Variants in SENP5 observed in about 807,000 individuals in gnomAD.
SENP5 encodes SUMO specific peptidase 5.
A neutral mutation model predicts 74.2 loss-of-function variants in SENP5; 21 were observed. That is an observed-to-expected ratio of 0.28 (90% CI 0.20 to 0.41). The LOEUF is 0.41. Among genes scored for constraint, SENP5 ranks in the 10% least tolerant of loss-of-function variants. The pLI is 1.00. For synonymous variants in SENP5, 311 were observed against 312.7 expected (o/e 0.99, Z 0.06); for missense variants, 717 against 889.1 (o/e 0.81, Z 2.46).
chr3:196,886,027 C>T lies in SENP5; in HGVS notation c.846C>T (p.Asn282=), dbSNP rs200137446. The T allele has an allele frequency of 3.0e-5, 49 of 1,614,132 alleles. No individual in the cohort carries two copies. Among genetic ancestry groups the T allele is most frequent in the Non-Finnish European group, 4.1e-5 (48 of 1,180,012 alleles). Residue 282 remains asparagine (N), a synonymous_variant, in exon 2 of 10, where the codon AAC becomes AAT. Transcript: ENST00000323460. ...TGDHQETRRE[N]GEGGSCSPFP... Reference sequence around the variant, plus strand: ...ACCATCAAGAGACCCGTAGGGAGAACGGTGAGGGTGGCAGTTGCAGCCCAT... The same window carrying T: ...ACCATCAAGAGACCCGTAGGGAGAATGGTGAGGGTGGCAGTTGCAGCCCAT...
chr3:196,886,635 G>A lies in SENP5; in HGVS notation c.1454G>A (p.Gly485Glu). The A allele has an allele frequency of 6.2e-7, 1 of 1,606,848 alleles. No individual in the cohort carries two copies. Among genetic ancestry groups the A allele is most frequent in the Non-Finnish European group, 8.5e-7 (1 of 1,177,176 alleles). ...AAACTAGAAAATCAAGTAGGAGGTG[G>A]AAAGAACAGTCAGAAAGCCTCTCCA... ...GLKLENQVGG[G>E]KNSQKASPVD... Residue 485 changes from glycine (G) to glutamate (E), a missense_variant, in exon 2 of 10, where the codon GGA (glycine) becomes GAA (glutamate). Gly to Glu is a moderately conservative substitution (Grantham distance 98). This residue lies in a region of SENP5 where 567 missense variants were observed against 577.4 expected (regional missense o/e 0.98). Transcript: ENST00000323460.
Position 196,886,506 on chromosome 3 carries a change from TGGA to T in SENP5, c.1332_1334del (p.Glu444del), listed in dbSNP as rs747639772. On this transcript the variant is annotated inframe_deletion, in exon 2 of 10. Transcript: ENST00000323460. ...GTTCAAAATGAGAACTCATACCAGA[TGGA>T]GGAGGATGGATCTCTCAAGCAGAGC... The T allele has an allele frequency of 5.0e-6, 8 of 1,612,710 alleles. No individual in the cohort carries two copies. The African/African-American group carries it at 9.4e-5, about 19-fold the overall frequency.
intron 6 of SENP5, among the ~76,000 whole-genome samples, chr3:196,908,050 A>G (rs981195742): frequency 1.3e-5 from 2 of 152,176 alleles, no homozygotes; most frequent in Non-Finnish European, 2.9e-5. Flanking sequence ...ATTACTGTAG[A>G]TGGGAGGATT....
rs749092679 is a variant in SENP5 at position 196,929,887 on chromosome 3, A to G, written c.2157+204A>G. ...GAAGAACCACCTTCCAGGGATCAAG[A>G]GTGAAGTGTGGGTGTCATCCATGTC... On this transcript the variant is annotated intron_variant, in intron 9 of 9. Coordinates refer to ENST00000323460, the MANE Select transcript of SENP5 (RefSeq NM_152699.5). 6.6e-5 allele frequency among the ~76,000 whole-genome samples: 10 copies of G among 151,872 alleles called. No individual in the cohort carries two copies. The highest frequency in any genetic ancestry group is 1.5e-4 in the Non-Finnish European group (10 of 68,000).
intron 2 of SENP5, among the ~76,000 whole-genome samples, chr3:196,891,821 C>T (rs1337912723): frequency 6.6e-6 from 1 of 152,042 alleles, no homozygotes; most frequent in African/African-American, 2.4e-5. Flanking sequence ...GACGGAGTCT[C>T]ACTCTTTCTC....
At chr3:196,922,290 A>G (rs955056760) in intron 6 of SENP5, among the ~76,000 whole-genome samples, 1 of 152,234 alleles carries the variant, frequency 6.6e-6, no homozygotes, top group African/African-American at 2.4e-5. Flanking sequence ...AGCTAAGGAA[A>G]TTACCAGTCA....
chr3:196,870,929 G>C (rs532216560), intron 1 of SENP5, among the ~76,000 whole-genome samples: 70 of 152,112 alleles, frequency 4.6e-4, no homozygotes, highest in African/African-American at 1.7e-3. Flanking sequence ...CCAGCACTTT[G>C]GGAGGCCGAG....
Position 196,932,931 on chromosome 3 carries a change from C to T in SENP5, c.*2008C>T, listed in dbSNP as rs1716090522. On this transcript the variant is annotated 3_prime_UTR_variant, in exon 10 of 10. Transcript: ENST00000323460. Reference sequence around the variant, plus strand: ...AGAGAGAGCTGCCCAAATCCAGTGACTCTTCCACTTCCAGTCTCATGCTTC... The same window carrying T: ...AGAGAGAGCTGCCCAAATCCAGTGATTCTTCCACTTCCAGTCTCATGCTTC... 1 of 150,952 alleles carries T rather than the reference C, an allele frequency of 6.6e-6. No homozygotes were observed. The highest frequency in any genetic ancestry group is 2.4e-5 in the African/African-American group (1 of 41,100). 9.4% of individuals were successfully genotyped at this position (150,952 alleles called of 1,614,324 possible).
At chr3:196,886,834 T>A (rs1406883722) in intron 2 of SENP5, 140 bp downstream of exon 2, 3 of 588,018 alleles carry the variant, frequency 5.1e-6, no homozygotes, top group African/African-American at 3.8e-5. Flanking sequence ...GCCTTTTATA[T>A]TGCTGCATTA....
Position 196,931,154 on chromosome 3 carries a change from T to A in SENP5, c.*231T>A. The A allele has an allele frequency of 2.1e-6, 1 of 469,840 alleles. No homozygotes were observed. The highest frequency in any genetic ancestry group is 3.6e-5 in the Admixed American group (1 of 27,434). 29.1% of individuals were successfully genotyped at this position (469,840 alleles called of 1,614,324 possible). On this transcript the variant is annotated 3_prime_UTR_variant, in exon 10 of 10. Transcript: ENST00000323460. ...ATTTTATGGTTCTGTGCGTCCCCCA[T>A]ATTTAATATTTATTATTCAAACGCA...
intron 4 of SENP5, 141 bp from the exon 5 acceptor site, chr3:196,900,224 G>A: frequency 9.6e-7 from 1 of 1,041,980 alleles, no homozygotes; most frequent in Non-Finnish European, 1.4e-6. Flanking sequence ...ACTATTGGCA[G>A]TAATAATATA....
chr3:196,914,396 A>G (rs574752238), intron 6 of SENP5: 6 of 151,318 alleles, frequency 4.0e-5, no homozygotes, highest in Non-Finnish European at 7.4e-5. Flanking sequence ...TATAGGAGAA[A>G]ACATCTAAAG....
chr3:196,927,026 G>A (rs773717809), intron 7 of SENP5, among the ~76,000 whole-genome samples: 9 of 152,120 alleles, frequency 5.9e-5, no homozygotes, highest in Non-Finnish European at 1.2e-4. Context: ...GACGCACAGA[G>A]GTTGAGAGCA....
intron 6 of SENP5, among the ~76,000 whole-genome samples, chr3:196,903,940 A>G (rs1714801641): frequency 6.6e-6 from 1 of 152,226 alleles, no homozygotes; most frequent in Non-Finnish European, 1.5e-5. Flanking sequence ...TGTCCCAGCT[A>G]CTTGGGATGC....
intron 6 of SENP5, among the ~76,000 whole-genome samples, chr3:196,922,588 G>T (rs749370433): frequency 1.2e-4 from 18 of 152,060 alleles, no homozygotes; most frequent in Admixed American, 3.9e-4. Flanking sequence ...AGCTGGGACT[G>T]CAGGCATGCA....
intron 6 of SENP5, among the ~76,000 whole-genome samples, chr3:196,912,051 T>C (rs1385678629): frequency 7.2e-5 from 11 of 152,094 alleles, no homozygotes; most frequent in Non-Finnish European, 1.6e-4. Context: ...ACCAGAAATA[T>C]CATTTGACCC....
chr3:196,900,808 A>T (rs1392971716), intron 5 of SENP5, among the ~76,000 whole-genome samples: 1 of 151,524 alleles, frequency 6.6e-6, no homozygotes, highest in Non-Finnish European at 1.5e-5. Context: ...CTGGTCTCGA[A>T]CTCCTGACCT....
chr3:196,894,085 G>A (rs192774422), intron 2 of SENP5, among the ~76,000 whole-genome samples: 129 of 145,420 alleles, frequency 8.9e-4, no homozygotes, highest in Middle Eastern at 3.6e-3. Flanking sequence ...TTATAAAAAT[G>A]TCCAACTCTT....
In SENP5 at chr3:196,886,433, GCAGATACAT is replaced by G; in HGVS notation, c.1254_1262del (p.Asp419_Ser421del). On this transcript the variant is annotated inframe_deletion, in exon 2 of 10. Transcript: ENST00000323460. ...CAGAGTAAAACTGTCAGTGTCTGGA[GCAGATACAT>G]CTGTGAGTAGCGTAGATGGGCCTGT... 6.2e-7 allele frequency: 1 copy of G among 1,611,116 alleles called. No individual in the cohort carries two copies. Among genetic ancestry groups the G allele is most frequent in the Non-Finnish European group, 8.5e-7 (1 of 1,178,034 alleles).
Sources: allele counts gnomAD v4.1 joint callset (sites outside exome capture counted in the v4.1 genomes callset), GRCh38; gene constraint gnomAD v4.1.1; regional missense constraint gnomAD v4.1.1; transcripts MANE v1.5; gene names NCBI Gene and HGNC (gene_info 2026-07-23, HGNC 2026-07-21).